Variants in SLC7A2 observed in about 807,000 individuals in gnomAD.
SLC7A2 encodes cationic amino acid transporter 2.
In SLC7A2, 48 loss-of-function variants were observed where a neutral mutation model predicts 58.9. The ratio of observed to expected loss-of-function variants is 0.82; its 90% confidence interval spans 0.65 to 1.04. SLC7A2 has a LOEUF of 1.04. Ranked by LOEUF, SLC7A2 falls within the 50% of genes least tolerant of loss-of-function variation. The pLI is 0.00. For synonymous variants in SLC7A2, 363 were observed against 314.5 expected, an observed-to-expected ratio of 1.15 and a Z score of -1.63; for missense variants, 1,029 against 818.8, an observed-to-expected ratio of 1.26 and a Z score of -3.13.
intron 2 of SLC7A2, among the ~76,000 whole-genome samples, chr8:17,509,394 C>T (rs1402830312): frequency 6.6e-6 from 1 of 152,126 alleles, no homozygotes; most frequent in Non-Finnish European, 1.5e-5. Flanking sequence ...CAACCTCCGC[C>T]TCCCTGGTTC....
chr8:17,560,068 A>G (rs1802891582), intron 9 of SLC7A2, among the ~76,000 whole-genome samples: 1 of 152,112 alleles, frequency 6.6e-6, no homozygotes, highest in East Asian at 1.9e-4. Context: ...GCCTTACTTT[A>G]CAATTTCACT....
intron 2 of SLC7A2, among the ~76,000 whole-genome samples, chr8:17,521,571 C>T (rs568360807): frequency 1.3e-5 from 2 of 152,320 alleles, no homozygotes; most frequent in South Asian, 2.1e-4. Context: ...TCAGACCACC[C>T]AGTGAAGACA....
At chr8:17,504,971 G>A (rs1323558126) in intron 2 of SLC7A2, among the ~76,000 whole-genome samples, 1 of 152,140 alleles carries the variant, frequency 6.6e-6, no homozygotes, top group East Asian at 1.9e-4. Flanking sequence ...TCGTGCCTCT[G>A]TGGGAAAGAA....
intron 2 of SLC7A2, among the ~76,000 whole-genome samples, chr8:17,502,779 T>A (rs1227455105): frequency 6.6e-6 from 1 of 152,180 alleles, no homozygotes; most frequent in Non-Finnish European, 1.5e-5. Flanking sequence ...TTTTGTTCAA[T>A]GGACCTCAGG....
chr8:17,558,205 G>A (rs1301518917), intron 8 of SLC7A2, 90 bp from the exon 9 acceptor site: 2 of 754,874 alleles, frequency 2.6e-6, no homozygotes, highest in Admixed American at 2.0e-5. Flanking sequence ...AAACGAAGTG[G>A]CAGTCAGATG....
In SLC7A2 at chr8:17,505,822, T is replaced by C. The variant is rs1800342819; in HGVS notation, c.-23+3520T>C. Among the ~76,000 whole-genome samples, 4 of 152,318 alleles carry C rather than the reference T, an allele frequency of 2.6e-5. No homozygotes were observed. The South Asian group carries it at 8.3e-4, about 32-fold the overall frequency. On this transcript the variant is annotated intron_variant, in intron 2 of 12. Transcript: ENST00000494857. ...TAGAAATCTCTGAGATTTAATAAACTTACAGTTGAGTAGAACTGAATCATA... is the reference window on the plus strand; with the variant it reads ...TAGAAATCTCTGAGATTTAATAAACCTACAGTTGAGTAGAACTGAATCATA...
intron 4 of SLC7A2, among the ~76,000 whole-genome samples, chr8:17,546,299 C>A (rs1802170242): frequency 6.6e-6 from 1 of 152,226 alleles, no homozygotes; most frequent in South Asian, 2.1e-4. Flanking sequence ...TGTGTTCATT[C>A]ACCATCATAT....
Position 17,563,686 on chromosome 8 carries a change from C to T in SLC7A2, c.1755C>T (p.Val585=). ...TCCAGTTAAGTGCAGACACTTGGGT[C>T]AGATTCAGCATTTGGATGGCAATTG... ...LMVQLSADTW[V]RFSIWMAIGF... Residue 585 remains valine, a synonymous_variant, in exon 12 of 13, where the codon GTC becomes GTT. Coordinates refer to ENST00000494857, the MANE Select transcript of SLC7A2 (RefSeq NM_001370338.1). The T allele has an allele frequency of 6.2e-7, 1 of 1,609,624 alleles. No homozygotes were observed. Among genetic ancestry groups the T allele is most frequent in the Non-Finnish European group, 8.5e-7 (1 of 1,176,146 alleles).
chr8:17,497,898 G>C (rs1033757665), intron 1 of SLC7A2, among the ~76,000 whole-genome samples: 3 of 152,166 alleles, frequency 2.0e-5, no homozygotes, highest in African/African-American at 7.2e-5. Context: ...TTGAGGCTTA[G>C]AGAATCTCCC....
chr8:17,525,721 C>T (rs1230765802), intron 2 of SLC7A2, among the ~76,000 whole-genome samples: 1 of 152,174 alleles, frequency 6.6e-6, no homozygotes, highest in African/African-American at 2.4e-5. Flanking sequence ...CTGGATGGTG[C>T]TAGAGAGGTA....
intron 6 of SLC7A2, 147 bp downstream of exon 6, chr8:17,550,581 T>G: frequency 1.5e-6 from 1 of 673,052 alleles, no homozygotes; most frequent in Non-Finnish European, 2.4e-6. Flanking sequence ...CACGTGCTGC[T>G]GATGATAAAA....
chr8:17,552,104 C>G, intron 7 of SLC7A2, 118 bp downstream of exon 7: 1 of 705,710 alleles, frequency 1.4e-6, no homozygotes, highest in Non-Finnish European at 2.4e-6. Context: ...TATTATGCAA[C>G]TTTGTATTTA....
chr8:17,540,817 A>T (rs1801879022), intron 2 of SLC7A2, among the ~76,000 whole-genome samples: 1 of 152,170 alleles, frequency 6.6e-6, no homozygotes, highest in South Asian at 2.1e-4. Flanking sequence ...AAAAGGATTT[A>T]AAAAAAGTTT....
At chr8:17,540,903 G>T (rs1801884209) in intron 2 of SLC7A2, among the ~76,000 whole-genome samples, 1 of 152,052 alleles carries the variant, frequency 6.6e-6, no homozygotes, top group Non-Finnish European at 1.5e-5. Flanking sequence ...CTTTAAATAT[G>T]CAATAGTCGT....
In SLC7A2 at chr8:17,566,959, G is replaced by A. The variant is rs767445488; in HGVS notation, c.*1813G>A. 41 of 152,590 alleles carry A rather than the reference G, an allele frequency of 2.7e-4. No individual in the cohort carries two copies. The highest frequency in any genetic ancestry group is 8.5e-4 in the Admixed American group (13 of 15,268). 9.5% of individuals were successfully genotyped at this position (152,590 alleles called of 1,614,324 possible). ...TTGATGCCATTAAAAAGCAAGTTGC[G>A]ATGGTTTTGTATAGCCAGGAGTTTA... On this transcript the variant is annotated 3_prime_UTR_variant, in exon 13 of 13. Transcript: ENST00000494857.
At chr8:17,516,997 A>C (rs996491256) in intron 2 of SLC7A2, among the ~76,000 whole-genome samples, 1 of 152,210 alleles carries the variant, frequency 6.6e-6, no homozygotes, top group Admixed American at 6.5e-5. Context: ...ACTTTGAAAT[A>C]GGGGACAGAA....
intron 2 of SLC7A2, among the ~76,000 whole-genome samples, chr8:17,519,063 C>G (rs1800913368): frequency 6.6e-6 from 1 of 152,134 alleles, no homozygotes; most frequent in South Asian, 2.1e-4. Flanking sequence ...TAATTACCTT[C>G]TAAAGGCCCT....
chr8:17,512,715 A>G (rs1411121443), intron 2 of SLC7A2, among the ~76,000 whole-genome samples: 2 of 152,162 alleles, frequency 1.3e-5, no homozygotes, highest in Non-Finnish European at 2.9e-5. Context: ...ATGCATTCAC[A>G]TCGTTGTACA....
intron 2 of SLC7A2, among the ~76,000 whole-genome samples, chr8:17,507,871 G>A (rs1252103470): frequency 6.6e-6 from 1 of 152,074 alleles, no homozygotes; most frequent in African/African-American, 2.4e-5. Context: ...TTTAGATTTT[G>A]AAATTTCTTG....
Sources: gnomAD v4.1 joint callset for allele counts (sites outside exome capture counted in the v4.1 genomes callset) on GRCh38, gnomAD v4.1.1 for gene constraint, MANE v1.5 for transcripts, NCBI Gene and HGNC (gene_info 2026-07-23, HGNC 2026-07-21) for gene names.